Variants in BBX observed in about 807,000 individuals in gnomAD.
The protein encoded by BBX is HMG box transcription factor BBX.
Under a neutral mutation model 100.2 loss-of-function variants are expected in BBX, and 30 were observed. The ratio of observed to expected loss-of-function variants is 0.30; its 90% confidence interval spans 0.22 to 0.41. The LOEUF is 0.41. Ranked by LOEUF, BBX falls within the 10% of genes least tolerant of loss-of-function variation. The probability of loss-of-function intolerance (pLI) is 1.00; values close to 1 mark genes in which losing one functional copy is unlikely to be tolerated. For missense variants in BBX, 1,023 were observed against 1,129.8 expected, an observed-to-expected ratio of 0.91 and a Z score of 1.35; for synonymous variants, 376 against 388.1, an observed-to-expected ratio of 0.97 and a Z score of 0.37.
At chr3:107,753,839 T>C (rs1223760390) in intron 9 of BBX, among the ~76,000 whole-genome samples, 2 of 152,252 alleles carry the variant, frequency 1.3e-5, no homozygotes, top group Non-Finnish European at 2.9e-5. Context: ...TTACTAAATT[T>C]AATAAATATC....
chr3:107,675,712 G>T (rs1362196178), intron 3 of BBX, among the ~76,000 whole-genome samples: 1 of 152,180 alleles, frequency 6.6e-6, no homozygotes, highest in Non-Finnish European at 1.5e-5. Context: ...TGATATAGCG[G>T]AAAGAGTTCT....
At chr3:107,708,561 C>T (rs2061521365) in intron 3 of BBX, among the ~76,000 whole-genome samples, 1 of 151,666 alleles carries the variant, frequency 6.6e-6, no homozygotes, top group South Asian at 2.1e-4. Flanking sequence ...GTAGTCCCAG[C>T]TACTCAGGAG....
chr3:107,773,000 GATC>G lies in BBX; in HGVS notation c.1282_1284del (p.His428del). The stretch of plus-strand genomic sequence containing the variant: ...AATTAGTGATGTTCCCAGTAGAAAG[GATC>G]ATATGTGCCATCCTCATGGAATTAT... On this transcript the variant is annotated inframe_deletion, in exon 11 of 18. Coordinates refer to ENST00000325805, the MANE Select transcript of BBX (RefSeq NM_001142568.3). 1 of 1,613,986 alleles carries G rather than the reference GATC, an allele frequency of 6.2e-7. No homozygotes were observed. Among genetic ancestry groups the G allele is most frequent in the South Asian group, 1.1e-5 (1 of 91,044 alleles).
chr3:107,732,156 G>A (rs769201780), intron 6 of BBX, among the ~76,000 whole-genome samples: 5 of 152,132 alleles, frequency 3.3e-5, no homozygotes, highest in Non-Finnish European at 7.4e-5. Context: ...GACATTAAGA[G>A]ATCCTCCTGC....
chr3:107,779,910 G>A (rs752173373), intron 13 of BBX, among the ~76,000 whole-genome samples: 5 of 152,128 alleles, frequency 3.3e-5, no homozygotes, highest in African/African-American at 9.6e-5. Flanking sequence ...GTATAGAAAC[G>A]TCATTTTAGA....
chr3:107,587,345 C>CAAA (rs1329577363), intron 2 of BBX, among the ~76,000 whole-genome samples: 8 of 93,836 alleles, frequency 8.5e-5, no homozygotes, highest in East Asian at 3.9e-4. Flanking sequence ...ACCCTGTCTC[C>CAAA]AAAAAAAAAA....
chr3:107,531,398 A>G (rs1399581677), intron 2 of BBX, among the ~76,000 whole-genome samples: 2 of 152,054 alleles, frequency 1.3e-5, no homozygotes, highest in African/African-American at 4.8e-5. Context: ...TTTTATTCTC[A>G]TATGTGCACA....
chr3:107,714,018 C>G (rs894044310), intron 4 of BBX, among the ~76,000 whole-genome samples: 2 of 131,396 alleles, frequency 1.5e-5, no homozygotes, highest in Non-Finnish European at 3.1e-5. Flanking sequence ...CTCTGTTGCC[C>G]AGGCTGGAGT....
intron 2 of BBX, among the ~76,000 whole-genome samples, chr3:107,641,426 GT>G (rs1485671051): frequency 6.6e-6 from 1 of 152,132 alleles, no homozygotes; most frequent in Non-Finnish European, 1.5e-5. Context: ...TCAATATTAA[GT>G]ACTGAAGGGG....
At chr3:107,612,639 G>A (rs1292255814) in intron 2 of BBX, among the ~76,000 whole-genome samples, 2 of 152,184 alleles carry the variant, frequency 1.3e-5, no homozygotes, top group Non-Finnish European at 2.9e-5. Flanking sequence ...GCTGGGGGAT[G>A]GCTGACACAA....
intron 10 of BBX, among the ~76,000 whole-genome samples, chr3:107,762,101 G>A (rs967456181): frequency 6.6e-6 from 1 of 152,128 alleles, no homozygotes; most frequent in Non-Finnish European, 1.5e-5. Context: ...GAAAACTCCT[G>A]TTCTAAATCT....
chr3:107,650,973 G>C (rs940619632), intron 3 of BBX, among the ~76,000 whole-genome samples: 1 of 152,118 alleles, frequency 6.6e-6, no homozygotes, highest in Non-Finnish European at 1.5e-5. Context: ...TCCTTACATG[G>C]CCTTTCCTCT....
intron 3 of BBX, among the ~76,000 whole-genome samples, chr3:107,656,818 A>T (rs1437649398): frequency 6.6e-6 from 1 of 152,236 alleles, no homozygotes; most frequent in Non-Finnish European, 1.5e-5. Context: ...ATGTCTAGGC[A>T]CAAAAGAGGG....
At chr3:107,592,982 T>G (rs889432693) in intron 2 of BBX, among the ~76,000 whole-genome samples, 1 of 152,256 alleles carries the variant, frequency 6.6e-6, no homozygotes, top group Non-Finnish European at 1.5e-5. Context: ...AAATTGTCTC[T>G]AAGTATATAT....
At chr3:107,787,375 T>A (rs2068544053) in intron 13 of BBX, among the ~76,000 whole-genome samples, 1 of 152,160 alleles carries the variant, frequency 6.6e-6, no homozygotes, top group Non-Finnish European at 1.5e-5. Context: ...GGAGGAGCCT[T>A]GAAAACATTA....
chr3:107,604,938 TATTTC>T (rs929574963), intron 2 of BBX, among the ~76,000 whole-genome samples: 1 of 152,226 alleles, frequency 6.6e-6, no homozygotes, highest in South Asian at 2.1e-4. Context: ...AATATATTCT[TATTTC>T]AGTTCATCTT....
intron 3 of BBX, among the ~76,000 whole-genome samples, chr3:107,689,929 C>T (rs749985593): frequency 6.6e-6 from 1 of 152,038 alleles, no homozygotes; most frequent in Non-Finnish European, 1.5e-5. Flanking sequence ...CTCTCTGAGG[C>T]GCCTCTCAAA....
At chr3:107,790,261 A>G (rs1291225107) in intron 14 of BBX, among the ~76,000 whole-genome samples, 1 of 152,126 alleles carries the variant, frequency 6.6e-6, no homozygotes, top group Non-Finnish European at 1.5e-5. Flanking sequence ...TACTTCATGA[A>G]ATCTTACAGT....
At chr3:107,575,823 G>T (rs774154726) in intron 2 of BBX, among the ~76,000 whole-genome samples, 1 of 152,178 alleles carries the variant, frequency 6.6e-6, no homozygotes, top group Non-Finnish European at 1.5e-5. Flanking sequence ...AAGCATGTGT[G>T]CCAGAAATGA....
Sources: gnomAD v4.1 joint callset for allele counts (sites outside exome capture counted in the v4.1 genomes callset) on GRCh38, gnomAD v4.1.1 for gene constraint, MANE v1.5 for transcripts, NCBI Gene and HGNC (gene_info 2026-07-23, HGNC 2026-07-21) for gene names.